Variants in EPB41L4B observed in about 807,000 individuals in gnomAD.
EPB41L4B encodes the protein erythrocyte membrane protein band 4.1 like 4B, also known as band 4.1-like protein 4B.
In EPB41L4B, 30 loss-of-function variants were observed where a neutral mutation model predicts 112.5. The observed-to-expected ratio is 0.27, with a 90% CI of 0.20 to 0.36. EPB41L4B has a LOEUF of 0.36. Ranked by LOEUF, EPB41L4B falls within the 10% of genes least tolerant of loss-of-function variation. The pLI, the probability that EPB41L4B is intolerant of heterozygous loss-of-function variation, is 1.00. For synonymous variants in EPB41L4B, 408 were observed against 439.7 expected, an observed-to-expected ratio of 0.93 and a Z score of 0.90; for missense variants, 1,024 against 1,133.3, an observed-to-expected ratio of 0.90 and a Z score of 1.38.
At position 109,243,809 on chromosome 9, in the gene EPB41L4B, T is replaced by C. The variant is rs1834440856; in HGVS notation, c.1345-127A>G. ...CTAAGAATGGAAAGGCTATAGACCC[T>C]GGCTAGGGGGTGGATGTTTCCCAGG... On this transcript the variant is annotated intron_variant, in intron 14 of 25. Coordinates refer to ENST00000374566, the MANE Select transcript of EPB41L4B (RefSeq NM_019114.5). 18 of 847,796 alleles carry C rather than the reference T, an allele frequency of 2.1e-5. No homozygotes were observed. The East Asian group carries it at 4.7e-4, about 22-fold the overall frequency. The allele number at this position is 847,796 out of a possible 1,614,324, so 52.5% of individuals were successfully genotyped here. A position where few individuals can be genotyped will look rare whatever the true frequency, so the allele number is the denominator to read the frequency against.
intron 1 of EPB41L4B, among the ~76,000 whole-genome samples, chr9:109,299,583 C>T (rs1361195730): frequency 6.6e-6 from 1 of 151,950 alleles, no homozygotes; most frequent in Non-Finnish European, 1.5e-5. Context: ...CCATGATGTG[C>T]AGCAAGTTTT....
Position 109,264,988 on chromosome 9 carries a change from A to C in EPB41L4B, c.570T>G (p.Leu190=), listed in dbSNP as rs1835347468. Reference sequence around the variant, plus strand: ...AACAAAAACATACTTACTTTCCAGAAAGAATGTCATGCCTGAGTTGTAAAA... The same window carrying C: ...AACAAAAACATACTTACTTTCCAGACAGAATGTCATGCCTGAGTTGTAAAA... ...LFVLQLRHDI[L]SGKLKCPYET... is the part of the protein sequence containing the mutation. The change falls in exon 5 of 26, where the codon CTT becomes CTG. Residue 190 remains leucine (L), a synonymous_variant. Coordinates refer to ENST00000374566, the MANE Select transcript of EPB41L4B (RefSeq NM_019114.5). The C allele has an allele frequency of 6.2e-7, 1 of 1,607,548 alleles. No homozygotes were observed.
intron 15 of EPB41L4B, among the ~76,000 whole-genome samples, chr9:109,218,214 C>T (rs1222681160): frequency 6.6e-6 from 1 of 150,568 alleles, no homozygotes; most frequent in East Asian, 2.0e-4. Context: ...CAACCTCCAC[C>T]TCCCAGGCTC....
At chr9:109,286,770 AAACGCAAACCCAGAGGTTGC>A (rs1197816857) in intron 1 of EPB41L4B, among the ~76,000 whole-genome samples, 34 of 152,200 alleles carry the variant, frequency 2.2e-4, no homozygotes, top group African/African-American at 8.0e-4. Flanking sequence ...AACAGGGTTG[AAACGCAAACCCAGAGGTTGC>A]AACACCATTT....
In EPB41L4B at chr9:109,268,276, A is replaced by G. The variant is rs541491684; in HGVS notation, c.454+115T>C. 58 of 946,300 alleles carry G rather than the reference A, an allele frequency of 6.1e-5. No homozygotes were observed. The African/African-American group carries it at 9.0e-4, about 15-fold the overall frequency. 58.6% of individuals were successfully genotyped at this position (946,300 alleles called of 1,614,324 possible). Reference sequence around the variant, plus strand: ...TTAAAAATCATCCACTTAATACCGAATTGATTTTTAAAATGCTTCCAAGTT... The same window carrying G: ...TTAAAAATCATCCACTTAATACCGAGTTGATTTTTAAAATGCTTCCAAGTT... On this transcript the variant is annotated intron_variant, in intron 3 of 25. Transcript: ENST00000374566.
Position 109,258,165 on chromosome 9 carries a change from G to C in EPB41L4B, c.752+12C>G, listed in dbSNP as rs1353717922. ...AGATACATCAGAATGCTAGACGGTT[G>C]CATCAAGGTACCTGCACTCTTTCCA... On this transcript the variant is annotated intron_variant, in intron 7 of 25. Transcript: ENST00000374566. The C allele has an allele frequency of 1.7e-5, 28 of 1,608,596 alleles. No individual in the cohort carries two copies. The highest frequency in any genetic ancestry group is 2.4e-5 in the Non-Finnish European group (28 of 1,176,120).
At chr9:109,204,453 C>A (rs898151680) in intron 18 of EPB41L4B, among the ~76,000 whole-genome samples, 1 of 152,164 alleles carries the variant, frequency 6.6e-6, no homozygotes, top group African/African-American at 2.4e-5. Flanking sequence ...CATATAGATC[C>A]AGTCTTACAT....
At chr9:109,243,922 G>T (rs925517367) in intron 14 of EPB41L4B, among the ~76,000 whole-genome samples, 1 of 152,202 alleles carries the variant, frequency 6.6e-6, no homozygotes, top group African/African-American at 2.4e-5. Context: ...CCTGTGAAGG[G>T]GCTGGGAAGC....
rs748582489 is a variant in EPB41L4B at position 109,185,622 on chromosome 9, GAGAGAAGGGGAGGAGGAGGTGGCA to G, written c.2302-41_2302-18del. 1.3e-6 allele frequency: 2 copies of G among 1,584,204 alleles called. No homozygotes were observed. Among genetic ancestry groups the G allele is most frequent in the South Asian group, 1.2e-5 (1 of 86,746 alleles). ...GGGCTCTGCCTGCTCACGAGGAGAGGAGAGAAGGGGAGGAGGAGGTGGCAAGAGAAGGGGAGGAGGAAGAGGAGG... is the reference window on the plus strand; with the variant it reads ...GGGCTCTGCCTGCTCACGAGGAGAGGAGAGAAGGGGAGGAGGAAGAGGAGG... On this transcript the variant is annotated intron_variant, in intron 22 of 25. Transcript: ENST00000374566.
intron 8 of EPB41L4B, 82 bp from the exon 9 acceptor site, chr9:109,256,306 C>T: frequency 6.3e-7 from 1 of 1,587,326 alleles, no homozygotes. Flanking sequence ...AAACAGTTTC[C>T]TCACCACAAG....
chr9:109,269,806 T>G (rs1162336291), intron 2 of EPB41L4B, among the ~76,000 whole-genome samples: 1 of 152,142 alleles, frequency 6.6e-6, no homozygotes, highest in Non-Finnish European at 1.5e-5. Context: ...CAGACACATT[T>G]GCACTCTGCA....
At chr9:109,306,490 T>C (rs962711591) in intron 1 of EPB41L4B, among the ~76,000 whole-genome samples, 2 of 152,136 alleles carry the variant, frequency 1.3e-5, no homozygotes, top group African/African-American at 4.8e-5. Flanking sequence ...GGTAGGCGCC[T>C]GTAATCCCAG....
chr9:109,256,330 A>G, intron 8 of EPB41L4B, 63 bp downstream of exon 8: 1 of 1,596,066 alleles, frequency 6.3e-7, no homozygotes, highest in Non-Finnish European at 8.6e-7. Context: ...TTTTGTTTGC[A>G]TAATGTTCAT....
At chr9:109,286,774 G>T (rs1357369696) in intron 1 of EPB41L4B, among the ~76,000 whole-genome samples, 1 of 152,072 alleles carries the variant, frequency 6.6e-6, no homozygotes, top group Admixed American at 6.5e-5. Flanking sequence ...GGGTTGAAAC[G>T]CAAACCCAGA....
intron 15 of EPB41L4B, among the ~76,000 whole-genome samples, chr9:109,233,077 C>A (rs1834007722): frequency 6.6e-6 from 1 of 152,136 alleles, no homozygotes; most frequent in African/African-American, 2.4e-5. Context: ...AAACCATTCA[C>A]CATTCAGTAG....
Position 109,279,882 on chromosome 9 carries a change from A to G in EPB41L4B, c.346T>C (p.Tyr116His), listed in dbSNP as rs750888890. Residue 116 changes from tyrosine to histidine, a missense_variant, in exon 2 of 26, where the codon TAC becomes CAC. By Grantham distance (83) the Tyr-to-His change is moderately conservative. Transcript: ENST00000374566. Reference sequence around the variant, plus strand: ...TCTGTTTCCACAAGGTCCAAGTGGTACACAATCTGATCAAACAAATCCTGG... The same window carrying G: ...TCTGTTTCCACAAGGTCCAAGTGGTGCACAATCTGATCAAACAAATCCTGG... ...KGQDLFDQIV[Y>H]HLDLVETDYF... 2 of 1,614,186 alleles carry G rather than the reference A, an allele frequency of 1.2e-6. No individual in the cohort carries two copies. The highest frequency in any genetic ancestry group is 1.1e-5 in the South Asian group (1 of 91,080).
intron 17 of EPB41L4B, among the ~76,000 whole-genome samples, chr9:109,211,806 C>T (rs1416755645): frequency 1.4e-5 from 2 of 145,278 alleles, no homozygotes; most frequent in South Asian, 2.2e-4. Context: ...ACCTCTGTCT[C>T]GTGGGTTCAA....
intron 15 of EPB41L4B, among the ~76,000 whole-genome samples, chr9:109,220,660 C>T (rs1833541991): frequency 6.6e-6 from 1 of 152,038 alleles, no homozygotes; most frequent in African/African-American, 2.4e-5. Flanking sequence ...ACTATTTGTC[C>T]CCTACATTGC....
In EPB41L4B at chr9:109,226,672, T is replaced by TATATATGAAGA. The variant is rs1833777950; in HGVS notation, c.1410-9528_1410-9527insTCTTCATATAT. On this transcript the variant is annotated intron_variant, in intron 15 of 25. Transcript: ENST00000374566. ...ATGAAGAATATATATATGAAGAATA[T>TATATATGAAGA]ATATATATGAAGAATATATATATGA... Among the ~76,000 whole-genome samples the TATATATGAAGA allele has an allele frequency of 1.0e-3, 45 of 44,352 alleles. 1 individual carries two copies. The East Asian group carries it at 0.025, about 25-fold the overall frequency. The allele number at this position is 44,352 out of a possible 152,430, so 29.1% of individuals were successfully genotyped here. A position where few individuals can be genotyped will look rare whatever the true frequency, so the allele number is the denominator to read the frequency against.
Sources: gnomAD v4.1 joint callset for allele counts (sites outside exome capture counted in the v4.1 genomes callset) on GRCh38, gnomAD v4.1.1 for gene constraint, MANE v1.5 for transcripts, NCBI Gene and HGNC (gene_info 2026-07-23, HGNC 2026-07-21) for gene names.